The following ARHGAP29 variants were observed in gnomAD, a reference collection of about 807,000 sequenced individuals.
ARHGAP29 encodes the protein rho GTPase-activating protein 29.
ARHGAP29 carries 43 observed loss-of-function variants against 122.6 expected under a neutral mutation model. The ratio of observed to expected loss-of-function variants is 0.35; its 90% CI spans 0.27 to 0.45. The LOEUF (loss-of-function observed/expected upper bound fraction) is 0.45. Among genes scored for constraint, ARHGAP29 ranks in the 20% least tolerant of loss-of-function variants. ARHGAP29 has a pLI of 1.00. For synonymous variants in ARHGAP29, 506 were observed against 497.1 expected (o/e 1.02, Z -0.24); for missense variants, 1,303 against 1,477.2 (o/e 0.88, Z 1.93).
At chr1:94,277,001 T>C (rs540360442), upstream of ARHGAP29, among the ~76,000 whole-genome samples, 12 of 152,240 alleles carry the variant, frequency 7.9e-5, no homozygotes, top group African/African-American at 2.9e-4. Flanking sequence ...CCTGTGGGTG[T>C]AACTCCCCAT....
At chr1:94,221,531 TTATATAAG>T (rs1317705922) in intron 2 of ARHGAP29, among the ~76,000 whole-genome samples, 1 of 146,094 alleles carries the variant, frequency 6.8e-6, no homozygotes, top group Non-Finnish European at 1.5e-5. Context: ...TCTATATTAT[TTATATAAG>T]TATATATTTT....
chr1:94,275,795 G>C (rs949360533), upstream of ARHGAP29, among the ~76,000 whole-genome samples: 1 of 152,114 alleles, frequency 6.6e-6, no homozygotes, highest in Non-Finnish European at 1.5e-5. Context: ...TGTTGGAGTG[G>C]TAGAAAGTTT....
Position 94,201,704 on chromosome 1 carries a change from T to G in ARHGAP29, c.1281+16A>C. 6.2e-7 allele frequency: 1 copy of G among 1,613,066 alleles called. No individual in the cohort carries two copies. Among genetic ancestry groups the G allele is most frequent in the Non-Finnish European group, 8.5e-7 (1 of 1,179,654 alleles). ...TCTTTTCTTCTTGCCTTCAAAATAC[T>G]GAAGAAATTACTTACAGCTTTAAGG... On this transcript the variant is annotated intron_variant, in intron 12 of 22. Transcript: ENST00000260526.
intron 3 of ARHGAP29, among the ~76,000 whole-genome samples, chr1:94,219,917 ATT>A (rs879738243): frequency 3.3e-5 from 5 of 152,176 alleles, no homozygotes; most frequent in Non-Finnish European, 7.3e-5. Context: ...CCACTCTCCA[ATT>A]TCAATTTGTC....
At chr1:94,206,799 G>A (rs989081276) in intron 5 of ARHGAP29, among the ~76,000 whole-genome samples, 4 of 151,668 alleles carry the variant, frequency 2.6e-5, no homozygotes, top group Non-Finnish European at 5.9e-5. Context: ...GGGAGGCTGC[G>A]GCACAAGAAG....
the ARHGAP29 span, among the ~76,000 whole-genome samples, chr1:94,283,015 T>C: frequency 3.3e-5 from 5 of 152,148 alleles, no homozygotes; most frequent in Non-Finnish European, 7.4e-5. Flanking sequence ...TAGAGCTTTA[T>C]AGATAAATAC....
intron 1 of ARHGAP29, among the ~76,000 whole-genome samples, chr1:94,253,358 A>C (rs1654184054): frequency 6.6e-6 from 1 of 152,182 alleles, no homozygotes; most frequent in Admixed American, 6.5e-5. Context: ...AACCAAGACC[A>C]GGGCCCTTTC....
intron 3 of ARHGAP29, among the ~76,000 whole-genome samples, chr1:94,218,748 AG>A (rs1652107112): frequency 6.6e-6 from 1 of 152,234 alleles, no homozygotes; most frequent in African/African-American, 2.4e-5. Flanking sequence ...TTTGAAATAC[AG>A]AAAAAAGGAA....
chr1:94,310,132 T>G, the ARHGAP29 span, among the ~76,000 whole-genome samples: 1 of 152,206 alleles, frequency 6.6e-6, no homozygotes, highest in South Asian at 2.1e-4. Flanking sequence ...TTAATATCGG[T>G]ACACATGAGG....
chr1:94,206,909 T>A lies in ARHGAP29; in HGVS notation c.511-1226A>T, dbSNP rs375464212. 1.8e-4 allele frequency among the ~76,000 whole-genome samples: 27 copies of A among 149,412 alleles called. No individual in the cohort carries two copies. In the South Asian group the frequency reaches 3.4e-3, roughly 19 times the overall value. ...CACTCTGTCTCAAAAAATATATATA[T>A]ATTTAATATTATATATGTATAATAT... On this transcript the variant is annotated intron_variant, in intron 5 of 22. Transcript: ENST00000260526.
chr1:94,198,152 C>G (rs971563485), intron 12 of ARHGAP29, among the ~76,000 whole-genome samples: 2 of 151,558 alleles, frequency 1.3e-5, no homozygotes, highest in African/African-American at 4.8e-5. Flanking sequence ...AAAACCAACA[C>G]ACAAAATATC....
chr1:94,272,504 GAA>G (rs1655031132), intron 1 of ARHGAP29, among the ~76,000 whole-genome samples: 1 of 152,152 alleles, frequency 6.6e-6, no homozygotes, highest in Admixed American at 6.5e-5. Context: ...CTGCATCTTT[GAA>G]TACATCCAAG....
Position 94,202,691 on chromosome 1 carries a change from G to A in ARHGAP29, c.996C>T (p.Cys332=), listed in dbSNP as rs146947526. Residue 332 remains cysteine, a synonymous_variant, in exon 11 of 23, where the codon TGC becomes TGT. Transcript: ENST00000260526. The part of the protein sequence containing the change: ...ENALKKAKLL[C]MQRQDEYEKA... ...TCTCATATTCATCTTGACGTTGCAT[G>A]CATAATAATTTTGCCTTTTTGAGAG... 4.5e-5 allele frequency: 73 copies of A among 1,613,860 alleles called. No homozygotes were observed. The African/African-American group carries it at 8.1e-4, about 18-fold the overall frequency.
Position 94,184,047 on chromosome 1 carries a change from T to C in ARHGAP29, c.2247+104A>G. 1.6e-6 allele frequency: 2 copies of C among 1,244,616 alleles called. 1 individual carries two copies. Among genetic ancestry groups the C allele is most frequent in the South Asian group, 2.6e-5 (2 of 76,806 alleles). The allele number at this position is 1,244,616 out of a possible 1,614,324, so 77.1% of individuals were successfully genotyped here. On this transcript the variant is annotated intron_variant, in intron 19 of 22. Coordinates refer to ENST00000260526, the MANE Select transcript of ARHGAP29 (RefSeq NM_004815.4). ...TCATTAGCAAGATACCTATACCGTCTATGCCAATGAAAAAACATGTGTAGC... is the reference window on the plus strand; with the variant it reads ...TCATTAGCAAGATACCTATACCGTCCATGCCAATGAAAAAACATGTGTAGC...
the ARHGAP29 span, among the ~76,000 whole-genome samples, chr1:94,281,387 C>T: frequency 6.6e-6 from 1 of 152,258 alleles, no homozygotes; most frequent in African/African-American, 2.4e-5. Flanking sequence ...TATCATATCT[C>T]GCTGGGCAAG....
intron 12 of ARHGAP29, chr1:94,192,213 G>A (rs4847294): frequency 0.52 from 78,816 of 151,942 alleles, 21,387 homozygotes; most frequent in Middle Eastern, 0.72. Flanking sequence ...GTCTCCCACT[G>A]AATTCACCTA....
At chr1:94,250,934 C>G (rs956640585) in intron 1 of ARHGAP29, among the ~76,000 whole-genome samples, 2 of 152,034 alleles carry the variant, frequency 1.3e-5, no homozygotes, top group African/African-American at 2.4e-5. Context: ...GGTAACTCCC[C>G]TAATAATTAA....
chr1:94,222,422 G>A (rs1020159804), intron 2 of ARHGAP29, among the ~76,000 whole-genome samples: 4 of 152,110 alleles, frequency 2.6e-5, no homozygotes, highest in Non-Finnish European at 5.9e-5. Context: ...TCACATTCAA[G>A]GTAAATATCC....
intron 12 of ARHGAP29, among the ~76,000 whole-genome samples, chr1:94,197,567 A>G (rs1650551928): frequency 1.3e-5 from 2 of 152,186 alleles, no homozygotes; most frequent in Non-Finnish European, 2.9e-5. Flanking sequence ...CATTTTTTTT[A>G]GACATATCAA....
Sources: gnomAD v4.1 joint callset for allele counts (sites outside exome capture counted in the v4.1 genomes callset) on GRCh38, gnomAD v4.1.1 for gene constraint, MANE v1.5 for transcripts, NCBI Gene and HGNC (gene_info 2026-07-23, HGNC 2026-07-21) for gene names.